Variants in GALNT16 observed in about 807,000 individuals in gnomAD.
GALNT16 encodes the protein polypeptide N-acetylgalactosaminyltransferase 16, also known as UDP-GalNAc:polypeptide N-acetylgalactosaminyltransferase-like protein 1.
In GALNT16, 40 loss-of-function variants were observed where a neutral mutation model predicts 76.1. The ratio of observed to expected loss-of-function variants is 0.53; its 90% CI spans 0.41 to 0.68. GALNT16 has a LOEUF of 0.68. Ranked by LOEUF, GALNT16 falls within the 30% of genes least tolerant of loss-of-function variation. The pLI is 0.00. For synonymous variants in GALNT16, 276 were observed against 285.2 expected (o/e 0.97, Z 0.32); for missense variants, 621 against 731.9 (o/e 0.85, Z 1.75).
At chr14:69,329,542 G>A (rs528946087) in intron 6 of GALNT16, among the ~76,000 whole-genome samples, 4 of 152,288 alleles carry the variant, frequency 2.6e-5, no homozygotes, top group South Asian at 2.1e-4. Flanking sequence ...ACAATAACAA[G>A]TGCTGGCAAG....
the GALNT16 span, among the ~76,000 whole-genome samples, chr14:69,369,481 G>T: frequency 1.3e-5 from 2 of 152,216 alleles, no homozygotes; most frequent in Non-Finnish European, 2.9e-5. Context: ...AGACAGAGCT[G>T]CTTTGGATGG....
intron 1 of GALNT16, among the ~76,000 whole-genome samples, chr14:69,295,228 A>C (rs1377478961): frequency 6.6e-6 from 1 of 152,002 alleles, no homozygotes; most frequent in Non-Finnish European, 1.5e-5. Flanking sequence ...AGCCTGGGCA[A>C]CATGGGGAAA....
At chr14:69,334,004 T>C (rs1211280133) in intron 9 of GALNT16, among the ~76,000 whole-genome samples, 2 of 152,260 alleles carry the variant, frequency 1.3e-5, no homozygotes, top group African/African-American at 2.4e-5. Flanking sequence ...TGGAGTCAGA[T>C]GGCCTGGGTG....
chr14:69,271,093 C>A (rs898212328), intron 1 of GALNT16, among the ~76,000 whole-genome samples: 1 of 151,808 alleles, frequency 6.6e-6, no homozygotes, highest in Non-Finnish European at 1.5e-5. Context: ...TGGTGCCTTG[C>A]GGGGGCATGA....
intron 9 of GALNT16, among the ~76,000 whole-genome samples, chr14:69,335,841 A>G (rs1476008105): frequency 6.6e-6 from 1 of 152,146 alleles, no homozygotes; most frequent in African/African-American, 2.4e-5. Context: ...TCCCCAAAGA[A>G]TTCCAAACTC....
At chr14:69,349,664 C>T (rs778753598) in intron 14 of GALNT16, 1 of 152,306 alleles carries the variant, frequency 6.6e-6, no homozygotes, top group Admixed American at 6.5e-5. Context: ...CCTCCCCCTC[C>T]CTTCACTCAG....
At chr14:69,303,647 A>G (rs2044885956) in intron 1 of GALNT16, among the ~76,000 whole-genome samples, 2 of 145,874 alleles carry the variant, frequency 1.4e-5, no homozygotes, top group African/African-American at 4.9e-5. Flanking sequence ...AAAATCACCC[A>G]TAATCTTCCC....
rs945626859 is a variant in GALNT16, at chr14:69,263,710, A to T, written c.177+3243A>T. ...TACAGGGTGTCGGCATGGCAACCGT[A>T]TGGCCAGATTTCTCAAGAAGGTCCT... On this transcript the variant is annotated intron_variant, in intron 1 of 14. Transcript: ENST00000448469. Among the ~76,000 whole-genome samples, 3 of 152,184 alleles carry T rather than the reference A, an allele frequency of 2.0e-5. No homozygotes were observed. In the East Asian group the frequency reaches 5.8e-4, roughly 29 times the overall value.
intron 14 of GALNT16, chr14:69,350,349 A>G (rs1005941033): frequency 5.3e-5 from 8 of 152,278 alleles, no homozygotes; most frequent in Middle Eastern, 3.2e-3. Flanking sequence ...GGAGTAAGAC[A>G]CTATATTACA....
At chr14:69,319,660 T>A (rs1284340063) in intron 1 of GALNT16, among the ~76,000 whole-genome samples, 1 of 152,210 alleles carries the variant, frequency 6.6e-6, no homozygotes, top group Non-Finnish European at 1.5e-5. Context: ...TTCCCCAGTG[T>A]CTGTTGCTGG....
intron 1 of GALNT16, among the ~76,000 whole-genome samples, chr14:69,263,319 C>T (rs757375052): frequency 8.5e-5 from 13 of 152,192 alleles, no homozygotes; most frequent in Admixed American, 1.3e-4. Context: ...GGGGGATGTA[C>T]GTTCAAGCTT....
At chr14:69,344,604 C>T (rs762012525) in intron 12 of GALNT16, among the ~76,000 whole-genome samples, 5 of 152,192 alleles carry the variant, frequency 3.3e-5, no homozygotes, top group African/African-American at 7.2e-5. Context: ...ACTGCTACCA[C>T]GATGACAGCT....
downstream of GALNT16, among the ~76,000 whole-genome samples, chr14:69,360,044 T>TAAAATAAAGAAAA (rs1555403074): frequency 1.3e-5 from 2 of 148,850 alleles, no homozygotes; most frequent in Admixed American, 6.7e-5. Flanking sequence ...TAAAATAAAA[T>TAAAATAAAGAAAA]AAAGAAAAAA....
chr14:69,340,450 G>A (rs760962988), intron 11 of GALNT16, among the ~76,000 whole-genome samples: 13 of 151,752 alleles, frequency 8.6e-5, no homozygotes, highest in East Asian at 5.8e-4. Flanking sequence ...TACTCGATGC[G>A]TGGCGAATTC....
At chr14:69,320,498 AAAAAAAAAGAAAAAAAG>A (rs1333510239) in intron 1 of GALNT16, among the ~76,000 whole-genome samples, 196 bp from the exon 2 acceptor site, 2 of 135,958 alleles carry the variant, frequency 1.5e-5, no homozygotes, top group Admixed American at 7.4e-5. Flanking sequence ...AAAAAAAAGA[AAAAAAAAAGAAAAAAAG>A]AAAAAAAAAG....
intron 1 of GALNT16, among the ~76,000 whole-genome samples, chr14:69,265,862 T>A (rs1182489277): frequency 6.6e-6 from 1 of 152,176 alleles, no homozygotes; most frequent in Non-Finnish European, 1.5e-5. Context: ...AATCTTGTGG[T>A]CTTTGACCCG....
At chr14:69,348,762 A>G (rs1448656878) in intron 14 of GALNT16, 1 of 152,292 alleles carries the variant, frequency 6.6e-6, no homozygotes, top group Non-Finnish European at 1.5e-5. Context: ...GGTACACAGC[A>G]ACCAGTGACA....
intron 6 of GALNT16, 152 bp from the exon 7 acceptor site, chr14:69,331,312 G>T: frequency 1.6e-6 from 1 of 629,468 alleles, no homozygotes; most frequent in South Asian, 1.8e-5. Context: ...GCTGCCAGGA[G>T]CCTGCCAGGG....
At chr14:69,385,827 C>T in the GALNT16 span, among the ~76,000 whole-genome samples, 1 of 152,148 alleles carries the variant, frequency 6.6e-6, no homozygotes. Flanking sequence ...TCTCAGTCCT[C>T]ACATATCTGT....
Sources: gnomAD v4.1 joint callset for allele counts (sites outside exome capture counted in the v4.1 genomes callset) on GRCh38, gnomAD v4.1.1 for gene constraint, MANE v1.5 for transcripts, NCBI Gene and HGNC (gene_info 2026-07-23, HGNC 2026-07-21) for gene names.